LARS1: variants seen among roughly 807,000 people sequenced by gnomAD.
LARS1 encodes the protein leucine--tRNA ligase, cytoplasmic.
Under a neutral mutation model 162.8 loss-of-function variants are expected in LARS1, and 100 were observed. That is an observed-to-expected ratio of 0.61 (90% confidence interval 0.52 to 0.73). The LOEUF is 0.73. Ranked by LOEUF, LARS1 falls within the 30% of genes least tolerant of loss-of-function variation. LARS1 has a pLI of 0.00. For synonymous variants in LARS1, 457 were observed against 462.8 expected, an observed-to-expected ratio of 0.99 and a Z score of 0.16; for missense variants, 1,258 against 1,408.9, an observed-to-expected ratio of 0.89 and a Z score of 1.71.
chr5:146,157,547 A>T lies in LARS1; in HGVS notation c.921T>A (p.Val307=), dbSNP rs757723614. Residue 307 remains valine (V), a synonymous_variant, in exon 10 of 32, where the codon GTT becomes GTA. Coordinates refer to ENST00000394434, the MANE Select transcript of LARS1 (RefSeq NM_020117.11). ...ETMFGQTNCW[V]RPDMKYIGFE... The stretch of plus-strand genomic sequence containing the variant: ...ATCCAATGTACTTCATATCAGGACG[A>T]ACCCAACAATTTGTCTGCCCAAACA... 6.2e-7 allele frequency: 1 copy of T among 1,614,086 alleles called. No individual in the cohort carries two copies. Among genetic ancestry groups the T allele is most frequent in the African/African-American group, 1.3e-5 (1 of 74,956 alleles).
intron 6 of LARS1, among the ~76,000 whole-genome samples, chr5:146,163,964 A>G (rs905832707): frequency 5.3e-5 from 8 of 152,240 alleles, no homozygotes; most frequent in Admixed American, 4.6e-4. Context: ...CAAGCCAGTC[A>G]GTGGAGCAGT....
At chr5:146,169,857 T>C (rs1306060763) in intron 4 of LARS1, among the ~76,000 whole-genome samples, 3 of 152,092 alleles carry the variant, frequency 2.0e-5, no homozygotes, top group Non-Finnish European at 4.4e-5. Context: ...CCTTACTTTT[T>C]AATTTTATAG....
intron 15 of LARS1, among the ~76,000 whole-genome samples, chr5:146,147,639 A>C (rs1447230963): frequency 6.6e-6 from 1 of 152,206 alleles, no homozygotes; most frequent in Non-Finnish European, 1.5e-5. Flanking sequence ...CAGGAAGAAA[A>C]TGATGAGGGA....
intron 18 of LARS1, 84 bp from the exon 19 acceptor site, chr5:146,143,634 T>C (rs2126482242): frequency 8.4e-7 from 1 of 1,196,814 alleles, no homozygotes. Context: ...GGCTATAACA[T>C]TTACAAAGCT....
intron 2 of LARS1, among the ~76,000 whole-genome samples, chr5:146,174,455 T>C (rs962738761): frequency 2.9e-5 from 3 of 104,088 alleles, no homozygotes; most frequent in African/African-American, 8.9e-5. Context: ...CAAATATATA[T>C]ATATATATCC....
intron 27 of LARS1, among the ~76,000 whole-genome samples, chr5:146,127,843 T>G (rs34683303): frequency 0.22 from 33,817 of 152,106 alleles, 4,809 homozygotes; most frequent in Admixed American, 0.33. Flanking sequence ...GCAGCTTTTC[T>G]TAGCATTTCT....
intron 28 of LARS1, among the ~76,000 whole-genome samples, chr5:146,125,496 A>G (rs973295555): frequency 6.6e-6 from 1 of 151,998 alleles, no homozygotes; most frequent in Non-Finnish European, 1.5e-5. Flanking sequence ...TTTTTAAACA[A>G]CATTTACTGA....
intron 4 of LARS1, among the ~76,000 whole-genome samples, chr5:146,169,200 C>G (rs1272629856): frequency 6.6e-6 from 1 of 152,104 alleles, no homozygotes; most frequent in Non-Finnish European, 1.5e-5. Context: ...GGCTTTAAGT[C>G]AGAAAACAAA....
intron 28 of LARS1, among the ~76,000 whole-genome samples, chr5:146,125,174 T>C (rs1751993315): frequency 1.3e-5 from 2 of 152,058 alleles, no homozygotes; most frequent in Non-Finnish European, 2.9e-5. Context: ...TTTGGCATTA[T>C]GACCAATGAC....
At chr5:146,157,918 G>T in intron 8 of LARS1, 123 bp from the exon 9 acceptor site, 2 of 876,768 alleles carry the variant, frequency 2.3e-6, no homozygotes, top group Non-Finnish European at 3.6e-6. Flanking sequence ...ATTTTTTTTT[G>T]CAGAGAAGAG....
intron 30 of LARS1, among the ~76,000 whole-genome samples, chr5:146,121,680 C>A (rs1161354026): frequency 1.3e-5 from 2 of 152,114 alleles, no homozygotes; most frequent in Non-Finnish European, 2.9e-5. Context: ...TTTGTAGGGA[C>A]ATGGATAAAG....
chr5:146,123,852 C>T (rs910850068), intron 29 of LARS1, 130 bp downstream of exon 29: 38 of 454,678 alleles, frequency 8.4e-5, no homozygotes, highest in African/African-American at 5.0e-4. Context: ...AAAATATTTT[C>T]GACTAATATA....
chr5:146,173,781 C>T (rs1344886943), intron 2 of LARS1, among the ~76,000 whole-genome samples: 1 of 152,042 alleles, frequency 6.6e-6, no homozygotes, highest in Non-Finnish European at 1.5e-5. Context: ...CAAGAGATAA[C>T]CGACATTCTG....
intron 29 of LARS1, 110 bp from the exon 30 acceptor site, chr5:146,122,697 T>TG: frequency 2.0e-6 from 1 of 507,470 alleles, no homozygotes; most frequent in East Asian, 3.1e-5. Flanking sequence ...TAACATGAAA[T>TG]GGTCTGTGCA....
At chr5:146,153,123 T>C in intron 13 of LARS1, 51 bp downstream of exon 13, 2 of 1,380,004 alleles carry the variant, frequency 1.4e-6, no homozygotes, top group Non-Finnish European at 2.0e-6. Context: ...GCTCTTCTTT[T>C]TCTCTGATAA....
intron 31 of LARS1, among the ~76,000 whole-genome samples, chr5:146,116,889 T>C (rs1320950255): frequency 1.3e-5 from 2 of 152,212 alleles, no homozygotes; most frequent in African/African-American, 4.8e-5. Context: ...AACAGACCAA[T>C]AACTATGTTA....
At chr5:146,146,335 C>T (rs1339502727) in intron 15 of LARS1, among the ~76,000 whole-genome samples, 45 of 107,846 alleles carry the variant, frequency 4.2e-4, no homozygotes, top group African/African-American at 1.3e-3. Flanking sequence ...AAGAGCAAAA[C>T]TCCGAAAAAA....
intron 1 of LARS1, among the ~76,000 whole-genome samples, chr5:146,178,881 G>A (rs909811426): frequency 6.6e-6 from 1 of 151,996 alleles, no homozygotes; most frequent in Admixed American, 6.6e-5. Context: ...GATTATTTGA[G>A]GCCAGGAGTT....
chr5:146,172,664 T>G, intron 3 of LARS1, 23 bp downstream of exon 3: 1 of 1,419,986 alleles, frequency 7.0e-7, no homozygotes, highest in South Asian at 1.3e-5. Flanking sequence ...CTCCCCATTA[T>G]AGCAAACATA....
Sources: gnomAD v4.1 joint callset for allele counts (sites outside exome capture counted in the v4.1 genomes callset) on GRCh38, gnomAD v4.1.1 for gene constraint, MANE v1.5 for transcripts, NCBI Gene and HGNC (gene_info 2026-07-23, HGNC 2026-07-21) for gene names.